NAV2: variants seen among roughly 807,000 people sequenced by gnomAD.
NAV2 encodes the protein neuron navigator 2.
A neutral mutation model predicts 223.2 loss-of-function variants in NAV2; 54 were observed. The ratio of observed to expected loss-of-function variants is 0.24; its 90% CI spans 0.19 to 0.30. The LOEUF (loss-of-function observed/expected upper bound fraction) is 0.30. Ranked by LOEUF, NAV2 falls within the 10% of genes least tolerant of loss-of-function variation. The pLI is 1.00. For missense variants in NAV2, 2,806 were observed against 3,147.5 expected, an observed-to-expected ratio of 0.89 and a Z score of 2.60; for synonymous variants, 1,279 against 1,239.3, an observed-to-expected ratio of 1.03 and a Z score of -0.67.
intron 14 of NAV2, among the ~76,000 whole-genome samples, chr11:20,046,300 C>T (rs1390224118): frequency 6.7e-6 from 1 of 150,320 alleles, no homozygotes; most frequent in East Asian, 2.0e-4. Context: ...CACACCACTG[C>T]ACTCCAGCCT....
intron 11 of NAV2, among the ~76,000 whole-genome samples, chr11:19,992,689 G>A (rs61877343): frequency 0.08 from 11,644 of 145,200 alleles, 569 homozygotes; most frequent in South Asian, 0.12. Context: ...CCAGGTTCAA[G>A]CGATTCTTCT....
intron 10 of NAV2, chr11:19,978,861 G>T (rs749787525): frequency 6.6e-6 from 1 of 152,018 alleles, no homozygotes; most frequent in East Asian, 1.9e-4. Flanking sequence ...GCCACCTTTC[G>T]CCGCTTCTGA....
intron 11 of NAV2, among the ~76,000 whole-genome samples, chr11:19,991,464 C>CT (rs2051325612): frequency 6.6e-6 from 1 of 152,164 alleles, no homozygotes; most frequent in South Asian, 2.1e-4. Flanking sequence ...CTGCAAGCTA[C>CT]TTAGGACAAT....
chr11:20,000,358 T>C (rs926728961), intron 11 of NAV2, among the ~76,000 whole-genome samples: 1 of 152,164 alleles, frequency 6.6e-6, no homozygotes, highest in Non-Finnish European at 1.5e-5. Context: ...AGCTCTGTTT[T>C]TGGAAGTAAA....
chr11:19,794,121 G>A (rs2057734864), intron 1 of NAV2, among the ~76,000 whole-genome samples: 1 of 152,080 alleles, frequency 6.6e-6, no homozygotes. Context: ...CTGAATTCCT[G>A]GTACCTCACA....
At chr11:20,065,958 A>G (rs1284135148) in intron 20 of NAV2, among the ~76,000 whole-genome samples, 2 of 152,218 alleles carry the variant, frequency 1.3e-5, no homozygotes, top group Non-Finnish European at 2.9e-5. Context: ...GAGCCAGACT[A>G]CTTTAGATCC....
chr11:19,910,630 A>G (rs1191207386), intron 6 of NAV2, among the ~76,000 whole-genome samples: 2 of 152,202 alleles, frequency 1.3e-5, no homozygotes, highest in African/African-American at 4.8e-5. Flanking sequence ...AGGCCGAGGC[A>G]GGCTGATTGC....
upstream of NAV2, chr11:19,711,478 A>G (rs1288515911): frequency 6.6e-6 from 1 of 152,200 alleles, no homozygotes; most frequent in East Asian, 1.9e-4. Context: ...TGCTAATCCT[A>G]TCATGAGGGC....
intron 1 of NAV2, among the ~76,000 whole-genome samples, chr11:19,484,511 G>C (rs2042380899): frequency 1.3e-5 from 2 of 152,230 alleles, no homozygotes; most frequent in Admixed American, 1.3e-4. Context: ...TTGACACTGA[G>C]AGGCCTTTGC....
At chr11:19,503,699 G>A (rs1312615428) in intron 1 of NAV2, 1 of 152,170 alleles carries the variant, frequency 6.6e-6, no homozygotes, top group Non-Finnish European at 1.5e-5. Context: ...GTCACCTACT[G>A]AAGGATGTCT....
At chr11:20,082,483 C>A in intron 25 of NAV2, 1 of 1,033,300 alleles carries the variant, frequency 9.7e-7, no homozygotes, top group Non-Finnish European at 1.5e-6. Context: ...TTATTATTAG[C>A]CATGTTGTGT....
chr11:20,029,899 G>A (rs1464002875), intron 11 of NAV2, among the ~76,000 whole-genome samples: 1 of 152,228 alleles, frequency 6.6e-6, no homozygotes, highest in Admixed American at 6.5e-5. Flanking sequence ...ACATAGCTGT[G>A]ATCTGGTTAG....
chr11:20,076,577 T>C (rs1388526037), intron 22 of NAV2, among the ~76,000 whole-genome samples: 1 of 152,212 alleles, frequency 6.6e-6, no homozygotes, highest in Non-Finnish European at 1.5e-5. Flanking sequence ...AGCTCCATTC[T>C]TTATTTTTGG....
chr11:19,634,318 C>G (rs559112907), intron 1 of NAV2, among the ~76,000 whole-genome samples: 6 of 152,240 alleles, frequency 3.9e-5, no homozygotes, highest in Non-Finnish European at 7.4e-5. Context: ...AAGGAAACAA[C>G]AGACCCTGGG....
At chr11:19,633,231 C>T (rs999671329) in intron 1 of NAV2, among the ~76,000 whole-genome samples, 4 of 152,190 alleles carry the variant, frequency 2.6e-5, no homozygotes, top group Admixed American at 2.6e-4. Flanking sequence ...TCTCCCTGCC[C>T]GCAATTCAGG....
chr11:19,936,117 C>G (rs1422725185), intron 7 of NAV2, among the ~76,000 whole-genome samples: 1 of 151,576 alleles, frequency 6.6e-6, no homozygotes, highest in African/African-American at 2.4e-5. Context: ...AGTCCACCCT[C>G]CTCAGCCTCC....
At chr11:20,068,726 A>AT (rs935261891) in intron 22 of NAV2, among the ~76,000 whole-genome samples, 3 of 152,152 alleles carry the variant, frequency 2.0e-5, no homozygotes, top group Non-Finnish European at 4.4e-5. Context: ...GAAAATTTTG[A>AT]TTTTAAGGGT....
intron 5 of NAV2, among the ~76,000 whole-genome samples, chr11:19,886,256 G>T (rs1295990426): frequency 6.6e-6 from 1 of 152,150 alleles, no homozygotes; most frequent in Admixed American, 6.5e-5. Flanking sequence ...GGGATTACAG[G>T]TGTGAGCCAC....
At chr11:19,901,639 T>G (rs1171459528) in intron 6 of NAV2, among the ~76,000 whole-genome samples, 1 of 152,174 alleles carries the variant, frequency 6.6e-6, no homozygotes, top group East Asian at 1.9e-4. Flanking sequence ...CCCAGACAAA[T>G]GCCTAGCACA....
Sources: allele counts gnomAD v4.1 joint callset (sites outside exome capture counted in the v4.1 genomes callset), GRCh38; gene constraint gnomAD v4.1.1; transcripts MANE v1.5; gene names NCBI Gene and HGNC (gene_info 2026-07-23, HGNC 2026-07-21).